The following STYX variants were observed in gnomAD, a reference collection of about 807,000 sequenced individuals.
The protein encoded by STYX is serine/threonine/tyrosine interacting protein.
Under a neutral mutation model 42.7 loss-of-function variants are expected in STYX, and 20 were observed. The ratio of observed to expected loss-of-function variants is 0.47; its 90% CI spans 0.33 to 0.68. The LOEUF is 0.68. Among genes scored for constraint, STYX ranks in the 30% least tolerant of loss-of-function variants. STYX has a pLI of 0.02. For missense variants in STYX, 226 were observed against 268.5 expected, an observed-to-expected ratio of 0.84 and a Z score of 1.11; for synonymous variants, 78 against 81.9, an observed-to-expected ratio of 0.95 and a Z score of 0.26.
At chr14:52,749,932 C>T (rs1881544733) in intron 3 of STYX, among the ~76,000 whole-genome samples, 1 of 152,106 alleles carries the variant, frequency 6.6e-6, no homozygotes, top group African/African-American at 2.4e-5. Flanking sequence ...AAATTACGTT[C>T]AGAGTATATA....
chr14:52,772,655 C>T lies in STYX; in HGVS notation c.*1549C>T. The T allele has an allele frequency of 6.6e-6, 1 of 152,524 alleles. No individual in the cohort carries two copies. The highest frequency in any genetic ancestry group is 1.9e-4 in the East Asian group (1 of 5,198). The allele number at this position is 152,524 out of a possible 1,614,324, so 9.4% of individuals were successfully genotyped here. A position where few individuals can be genotyped will look rare whatever the true frequency, so the allele number is the denominator to read the frequency against. Reference sequence around the variant, plus strand: ...TACTATGCAAAGTAACCTATTACACCAAGTTACTTGCTTTGCTTTCCTCTC... The same window carrying T: ...TACTATGCAAAGTAACCTATTACACTAAGTTACTTGCTTTGCTTTCCTCTC... On this transcript the variant is annotated 3_prime_UTR_variant, in exon 11 of 11. Coordinates refer to ENST00000354586, the MANE Select transcript of STYX (RefSeq NM_145251.4).
chr14:52,730,630 G>T, intron 1 of STYX, 99 bp downstream of exon 1: 2 of 1,382,930 alleles, frequency 1.4e-6, no homozygotes, highest in Non-Finnish European at 2.0e-6. Context: ...ACCTGTACGG[G>T]CGCCCTGCCT....
intron 1 of STYX, among the ~76,000 whole-genome samples, chr14:52,731,433 C>CTTTTTTTT (rs34855760): frequency 2.3e-4 from 24 of 105,616 alleles, no homozygotes; most frequent in Non-Finnish European, 3.4e-4. Context: ...TGGAGGTTCA[C>CTTTTTTTT]TTTTTTTTTT....
At chr14:52,767,428 GT>G (rs1882348641) in intron 9 of STYX, among the ~76,000 whole-genome samples, 1 of 152,204 alleles carries the variant, frequency 6.6e-6, no homozygotes, top group South Asian at 2.1e-4. Context: ...CATGGTATAA[GT>G]TTTATGGCAT....
intron 1 of STYX, among the ~76,000 whole-genome samples, chr14:52,733,685 G>A (rs532622781): frequency 6.6e-6 from 1 of 152,286 alleles, no homozygotes; most frequent in South Asian, 2.1e-4. Flanking sequence ...CCAGTAGGAA[G>A]AGATGAATAG....
intron 4 of STYX, among the ~76,000 whole-genome samples, chr14:52,754,403 G>A (rs1461157275): frequency 6.7e-6 from 1 of 149,526 alleles, no homozygotes; most frequent in East Asian, 2.0e-4. Flanking sequence ...TCTAGAGATG[G>A]GGTTTTGCTG....
chr14:52,754,228 T>TC (rs2139912051), intron 4 of STYX, among the ~76,000 whole-genome samples: 1 of 152,134 alleles, frequency 6.6e-6, no homozygotes, highest in East Asian at 1.9e-4. Flanking sequence ...TTTTTTTTTT[T>TC]CAAAGATAGG....
At position 52,762,858 on chromosome 14, in the gene STYX, TTTTCTTTCTTTCTTTC is replaced by T. The variant is rs10548917; in HGVS notation, c.504+3116_504+3131del. Reference sequence around the variant, plus strand: ...TTTGGTGTATCGGTTTGATTTTTTCTTTTCTTTCTTTCTTTCTTTCTTTCTTTTTTTTTTTTTTTTT... The same window carrying T: ...TTTGGTGTATCGGTTTGATTTTTTCTTTTCTTTCTTTTTTTTTTTTTTTTT... On this transcript the variant is annotated intron_variant, in intron 9 of 10. Transcript: ENST00000354586. Among the ~76,000 whole-genome samples the T allele has an allele frequency of 2.1e-4, 17 of 81,670 alleles. No homozygotes were observed. In the Admixed American group the frequency reaches 2.3e-3, roughly 11 times the overall value. The allele number at this position is 81,670 out of a possible 152,430, so 53.6% of individuals were successfully genotyped here.
At chr14:52,758,843 G>A (rs559771334) in intron 8 of STYX, among the ~76,000 whole-genome samples, 48 of 152,174 alleles carry the variant, frequency 3.2e-4, no homozygotes, top group African/African-American at 1.1e-3. Context: ...CAAGGTGCTG[G>A]TATTACAGGG....
chr14:52,769,265 T>G (rs1169928324), intron 10 of STYX, among the ~76,000 whole-genome samples: 1 of 152,082 alleles, frequency 6.6e-6, no homozygotes, highest in African/African-American at 2.4e-5. Flanking sequence ...GCCATCAATA[T>G]TTCCATCCTT....
At chr14:52,738,079 A>G (rs1219398598) in intron 1 of STYX, among the ~76,000 whole-genome samples, 1 of 152,114 alleles carries the variant, frequency 6.6e-6, no homozygotes, top group Admixed American at 6.5e-5. Context: ...CCCGGCCAAC[A>G]GGCAGGTTTA....
At chr14:52,753,241 C>T (rs1371312752) in intron 4 of STYX, among the ~76,000 whole-genome samples, 7 of 151,668 alleles carry the variant, frequency 4.6e-5, no homozygotes, top group Non-Finnish European at 8.8e-5. Flanking sequence ...TTAGTAGAGA[C>T]GGGGTTTCAG....
chr14:52,757,524 G>T (rs1437697896), intron 6 of STYX, among the ~76,000 whole-genome samples, 169 bp downstream of exon 6: 1 of 152,118 alleles, frequency 6.6e-6, no homozygotes, highest in Middle Eastern at 3.2e-3. Context: ...AGGCTTTCTG[G>T]AGTATCCCTG....
At chr14:52,750,251 G>A (rs1881558182) in intron 3 of STYX, among the ~76,000 whole-genome samples, 2 of 152,014 alleles carry the variant, frequency 1.3e-5, no homozygotes, top group Non-Finnish European at 2.9e-5. Flanking sequence ...TAGAGATTTG[G>A]GTTCCAGTAC....
At chr14:52,766,356 A>T (rs1414495537) in intron 9 of STYX, among the ~76,000 whole-genome samples, 7 of 152,140 alleles carry the variant, frequency 4.6e-5, no homozygotes, top group Admixed American at 6.5e-5. Flanking sequence ...TTGTAGAGAG[A>T]CAGGGTTTCA....
At chr14:52,766,855 TC>T (rs1168592395) in intron 9 of STYX, among the ~76,000 whole-genome samples, 11 of 152,148 alleles carry the variant, frequency 7.2e-5, no homozygotes, top group African/African-American at 1.4e-4. Flanking sequence ...TTTTTTTTTT[TC>T]CACTTGATTT....
At chr14:52,743,363 C>T (rs923834005) in intron 1 of STYX, among the ~76,000 whole-genome samples, 4 of 151,862 alleles carry the variant, frequency 2.6e-5, no homozygotes, top group African/African-American at 9.7e-5. Context: ...GGGCAGATCA[C>T]GAGGTCAGGA....
chr14:52,768,665 CAGT>C (rs1470236707), intron 9 of STYX, among the ~76,000 whole-genome samples, 172 bp from the exon 10 acceptor site: 4 of 151,992 alleles, frequency 2.6e-5, no homozygotes, highest in Non-Finnish European at 5.9e-5. Flanking sequence ...TTATAGTTAT[CAGT>C]AGTTCTGAAT....
rs958981938 is a variant in STYX, at chr14:52,774,664, A to G, written c.*3558A>G. ...AATCACTCAAAATATTCAGGTTTAC[A>G]TGTTAGCTCTCTCTCATAGGGAGCT... On this transcript the variant is annotated 3_prime_UTR_variant, in exon 11 of 11. Coordinates refer to ENST00000354586, the MANE Select transcript of STYX (RefSeq NM_145251.4). 1 of 150,106 alleles carries G rather than the reference A, an allele frequency of 6.7e-6. No individual in the cohort carries two copies. The highest frequency in any genetic ancestry group is 1.5e-5 in the Non-Finnish European group (1 of 67,822). The allele number at this position is 150,106 out of a possible 1,614,324, so 9.3% of individuals were successfully genotyped here. A position where few individuals can be genotyped will look rare whatever the true frequency, so the allele number is the denominator to read the frequency against.
Sources: allele counts gnomAD v4.1 joint callset (sites outside exome capture counted in the v4.1 genomes callset), GRCh38; gene constraint gnomAD v4.1.1; transcripts MANE v1.5; gene names NCBI Gene and HGNC (gene_info 2026-07-23, HGNC 2026-07-21).